The following SCHIP1 variants were observed in gnomAD, a reference collection of about 807,000 sequenced individuals.
The protein encoded by SCHIP1 is schwannomin-interacting protein 1.
In SCHIP1, 8 loss-of-function variants were observed where a neutral mutation model predicts 29.7. The ratio of observed to expected loss-of-function variants is 0.27; its 90% CI spans 0.16 to 0.49. SCHIP1 has a LOEUF of 0.49. Ranked by LOEUF, SCHIP1 falls within the 20% of genes least tolerant of loss-of-function variation. The pLI is 0.99. For synonymous variants in SCHIP1, 76 were observed against 94.9 expected (o/e 0.80, Z 1.16); for missense variants, 193 against 294.6 (o/e 0.66, Z 2.52).
the SCHIP1 span, among the ~76,000 whole-genome samples, chr3:159,429,787 A>G: frequency 3.3e-5 from 5 of 152,172 alleles, no homozygotes; most frequent in African/African-American, 1.2e-4. Flanking sequence ...TAAAATTACC[A>G]CATACTTTGA....
chr3:159,892,434 C>T (rs1007354864), intron 6 of SCHIP1: 2 of 594,398 alleles, frequency 3.4e-6, no homozygotes, highest in Non-Finnish European at 6.0e-6. Flanking sequence ...TCTCACATCT[C>T]CGCCTAAATC....
the SCHIP1 span, chr3:159,764,300 C>A: frequency 1.0e-6 from 1 of 982,026 alleles, no homozygotes; most frequent in Non-Finnish European, 1.4e-6. This position sits in a 1 kb window ranked among gnomAD's most constrained non-coding sequence, Gnocchi z 6.1. Flanking sequence ...GGTGCTGGCT[C>A]CCGCCCCCAG....
At chr3:159,647,914 T>A in the SCHIP1 span, among the ~76,000 whole-genome samples, 71 of 152,174 alleles carry the variant, frequency 4.7e-4, 1 homozygote, top group South Asian at 0.014. Context: ...TTCCAGAGGG[T>A]CATGGAGAAA....
chr3:159,274,080 T>C, the SCHIP1 span: 2 of 983,810 alleles, frequency 2.0e-6, no homozygotes, highest in African/African-American at 3.5e-5. Flanking sequence ...GCATAGTTAG[T>C]ATGTGGATAT....
the SCHIP1 span, among the ~76,000 whole-genome samples, chr3:159,363,660 A>AT: frequency 1.3e-5 from 2 of 152,246 alleles, no homozygotes. Context: ...CCAAACAACT[A>AT]TTTTTACAAT....
the SCHIP1 span, among the ~76,000 whole-genome samples, chr3:159,654,802 T>TAAAAAAAAAAAAAAAAAAAAAAA: frequency 9.6e-6 from 1 of 103,808 alleles, no homozygotes; most frequent in Non-Finnish European, 2.0e-5. Context: ...TGACTTTAAG[T>TAAAAAAAAAAAAAAAAAAAAAAA]AAAAAAAAAA....
the SCHIP1 span, among the ~76,000 whole-genome samples, chr3:159,300,801 C>T: frequency 6.6e-6 from 1 of 152,100 alleles, no homozygotes; most frequent in Non-Finnish European, 1.5e-5. Context: ...CTCCTCTCTC[C>T]CTCTGTGGGG....
chr3:159,363,355 A>G, the SCHIP1 span, among the ~76,000 whole-genome samples: 1 of 152,222 alleles, frequency 6.6e-6, no homozygotes, highest in Non-Finnish European at 1.5e-5. Flanking sequence ...CCTCTTTTGT[A>G]AAGAGCAGAG....
At chr3:159,855,074 T>G (rs1323340912) in intron 1 of SCHIP1, among the ~76,000 whole-genome samples, 1 of 152,198 alleles carries the variant, frequency 6.6e-6, no homozygotes, top group Admixed American at 6.5e-5. Flanking sequence ...GATAGGTTAG[T>G]ACAAAAAAAC....
At chr3:159,512,411 T>G in the SCHIP1 span, among the ~76,000 whole-genome samples, 1 of 152,156 alleles carries the variant, frequency 6.6e-6, no homozygotes, top group Non-Finnish European at 1.5e-5. Context: ...TTAATATGAG[T>G]ATTTCATAGC....
At chr3:159,516,295 C>T in the SCHIP1 span, among the ~76,000 whole-genome samples, 1 of 152,124 alleles carries the variant, frequency 6.6e-6, no homozygotes, top group Non-Finnish European at 1.5e-5. Context: ...GAACTCCTTC[C>T]TCCACTCCCT....
At chr3:159,892,574 C>T (rs1258177795) in intron 6 of SCHIP1, 3 of 365,976 alleles carry the variant, frequency 8.2e-6, no homozygotes, top group African/African-American at 2.1e-5. Context: ...AGCACAAGCT[C>T]TTGTATGATC....
chr3:159,717,493 A>T, the SCHIP1 span, among the ~76,000 whole-genome samples: 1 of 152,196 alleles, frequency 6.6e-6, no homozygotes, highest in Non-Finnish European at 1.5e-5. Context: ...CAGGACTAAT[A>T]AAGAAGAAAA....
chr3:159,607,140 T>C, the SCHIP1 span, among the ~76,000 whole-genome samples: 1 of 152,198 alleles, frequency 6.6e-6, no homozygotes. Context: ...TCTAGTGCCA[T>C]TTTCCTATTG....
At chr3:159,817,863 C>T in the SCHIP1 span, among the ~76,000 whole-genome samples, 1 of 152,304 alleles carries the variant, frequency 6.6e-6, no homozygotes, top group Non-Finnish European at 1.5e-5. Flanking sequence ...GTAGGTTTCC[C>T]AGACCCTCCC....
chr3:159,658,394 T>A, the SCHIP1 span, among the ~76,000 whole-genome samples: 3 of 152,198 alleles, frequency 2.0e-5, no homozygotes, highest in Non-Finnish European at 2.9e-5. Context: ...AATTTGCAAG[T>A]CAGATACAAT....
the SCHIP1 span, among the ~76,000 whole-genome samples, chr3:159,480,915 G>A: frequency 4.9e-4 from 74 of 152,248 alleles, no homozygotes; most frequent in African/African-American, 1.7e-3. Flanking sequence ...GGAGATAGGG[G>A]TGGAGCTGTT....
chr3:159,584,345 A>G, the SCHIP1 span, among the ~76,000 whole-genome samples: 2 of 152,182 alleles, frequency 1.3e-5, no homozygotes, highest in African/African-American at 4.8e-5. Context: ...ATGTCAAGCC[A>G]ATTATGTGCC....
the SCHIP1 span, among the ~76,000 whole-genome samples, chr3:159,512,868 T>G: frequency 6.6e-6 from 1 of 152,212 alleles, no homozygotes; most frequent in Non-Finnish European, 1.5e-5. Flanking sequence ...CTTCCCAGCC[T>G]CTGGTAACCA....
Sources: gnomAD v4.1 joint callset for allele counts (sites outside exome capture counted in the v4.1 genomes callset) on GRCh38, gnomAD v4.1.1 for gene constraint, Gnocchi (gnomAD v3.1) non-coding constraint, MANE v1.5 for transcripts, NCBI Gene and HGNC (gene_info 2026-07-23, HGNC 2026-07-21) for gene names.